ME2: variants seen among roughly 807,000 people sequenced by gnomAD.
ME2 encodes the protein malic enzyme 2.
A neutral mutation model predicts 73.7 loss-of-function variants in ME2; 60 were observed. The observed-to-expected ratio is 0.81, with a 90% CI of 0.66 to 1.01. The LOEUF is 1.01. Among genes scored for constraint, ME2 ranks in the 50% least tolerant of loss-of-function variants. ME2 has a pLI of 0.00. For synonymous variants in ME2, 199 were observed against 236.9 expected (o/e 0.84, Z 1.47); for missense variants, 594 against 705.5 (o/e 0.84, Z 1.79).
chr18:50,884,103 A>G (rs948947525), intron 1 of ME2, among the ~76,000 whole-genome samples: 1 of 152,084 alleles, frequency 6.6e-6, no homozygotes, highest in Non-Finnish European at 1.5e-5. Flanking sequence ...CAATTTCGGC[A>G]AAGATTGTTT....
At chr18:50,936,156 C>T (rs1184273746) in intron 13 of ME2, among the ~76,000 whole-genome samples, 1 of 152,040 alleles carries the variant, frequency 6.6e-6, no homozygotes, top group Non-Finnish European at 1.5e-5. Flanking sequence ...AAGAAGCGAC[C>T]GTTAGACTGA....
rs1568167401 is a variant in ME2 at position 50,916,227 on chromosome 18, C to T, written c.452C>T (p.Pro151Leu). 2.5e-6 allele frequency: 4 copies of T among 1,611,644 alleles called. No homozygotes were observed. Among genetic ancestry groups the T allele is most frequent in the Admixed American group, 1.7e-5 (1 of 59,792 alleles). ...GHVRSIVDNW[P>L]ENHVKAVVVT... ...GTTAGATCAATTGTGGATAACTGGC[C>T]AGAAAATCATGTTAAGGTACTAATA... Residue 151 changes from proline (P) to leucine (L), a missense_variant, in exon 5 of 16, where the codon CCA becomes CTA. Coordinates refer to ENST00000321341, the MANE Select transcript of ME2 (RefSeq NM_002396.5).
Position 50,916,224 on chromosome 18 carries a change from G to A in ME2, c.449G>A (p.Trp150Ter), listed in dbSNP as rs1013691299. ...RGHVRSIVDNWPENHVKAVVV... is the reference protein window; with the variant it reads ...RGHVRSIVDN The stretch of plus-strand genomic sequence containing the variant: ...CATGTTAGATCAATTGTGGATAACT[G>A]GCCAGAAAATCATGTTAAGGTACTA... Residue 150 changes from tryptophan to a stop codon, truncating the protein, a stop_gained, in exon 5 of 16, where the codon TGG becomes TAG. Transcript: ENST00000321341. LOFTEE classifies it high-confidence loss of function. The A allele has an allele frequency of 1.2e-6, 2 of 1,612,208 alleles. No homozygotes were observed. The highest frequency in any genetic ancestry group is 1.1e-5 in the South Asian group (1 of 90,842).
In ME2 at chr18:50,918,115, C is replaced by T. The variant is rs1036264575; in HGVS notation, c.636C>T (p.Leu212=). 3.8e-6 allele frequency: 6 copies of T among 1,587,282 alleles called. No homozygotes were observed. Among genetic ancestry groups the T allele is most frequent in the Non-Finnish European group, 5.2e-6 (6 of 1,163,868 alleles). ...CIDVGTDNIA[L]LKDPFYMGLY... is the part of the protein sequence containing the mutation. The stretch of plus-strand genomic sequence containing the variant: ...ACATTTGGTTTATTTTGTAGGCACT[C>T]TTAAAAGACCCATTTTACATGGGCT... The change falls in exon 7 of 16, where the codon CTC becomes CTT. Residue 212 remains leucine (L), a synonymous_variant. Coordinates refer to ENST00000321341, the MANE Select transcript of ME2 (RefSeq NM_002396.5).
At chr18:50,913,024 A>C (rs1405321580) in intron 4 of ME2, 74 bp downstream of exon 4, 2 of 1,304,656 alleles carry the variant, frequency 1.5e-6, no homozygotes, top group Non-Finnish European at 2.1e-6. Flanking sequence ...CACCCATTAC[A>C]TTTCTATTTT....
At position 50,947,307 on chromosome 18, in the gene ME2, T is replaced by G. The variant is rs944041389; in HGVS notation, c.*123T>G. 9.7e-7 allele frequency: 1 copy of G among 1,029,190 alleles called. No homozygotes were observed. The highest frequency in any genetic ancestry group is 1.4e-6 in the Non-Finnish European group (1 of 704,874). The allele number at this position is 1,029,190 out of a possible 1,614,324, so 63.8% of individuals were successfully genotyped here. A position where few individuals can be genotyped will look rare whatever the true frequency, so the allele number is the denominator to read the frequency against. ...TGTTCTCCCTGACCACTTTGGTTGA[T>G]GTATTTTTTCCATGCGTCTCCACAT... On this transcript the variant is annotated 3_prime_UTR_variant, in exon 16 of 16. Coordinates refer to ENST00000321341, the MANE Select transcript of ME2 (RefSeq NM_002396.5).
At chr18:50,889,135 C>T (rs1916548670) in intron 1 of ME2, among the ~76,000 whole-genome samples, 1 of 152,002 alleles carries the variant, frequency 6.6e-6, no homozygotes, top group Non-Finnish European at 1.5e-5. Context: ...TATTTTTATC[C>T]ATTAATTCCC....
chr18:50,885,691 T>C (rs933005036), intron 1 of ME2, among the ~76,000 whole-genome samples: 43 of 152,110 alleles, frequency 2.8e-4, no homozygotes, highest in African/African-American at 1.0e-3. Flanking sequence ...TTTTTAACAC[T>C]GTGCTGCTAT....
rs1457219893 is a variant in ME2, at chr18:50,920,661, G to T, written c.845G>T (p.Gly282Val). The stretch of plus-strand genomic sequence containing the variant: ...GTAAAAATCTTTGTTTTTCTTACAG[G>T]GACAGCTGCAGTAGCTCTAGCAGGT... ...KYCTFNDDIQ[G>V]TAAVALAGLL... is the part of the protein sequence containing the mutation. Residue 282 changes from glycine (G) to valine (V), a missense_variant and splice_region_variant, in exon 9 of 16, where the codon GGG becomes GTG. Physicochemically the swap from Gly to Val is moderately radical, Grantham distance 109. Transcript: ENST00000321341. The T allele has an allele frequency of 1.9e-6, 3 of 1,597,282 alleles. No homozygotes were observed. The highest frequency in any genetic ancestry group is 1.4e-5 in the African/African-American group (1 of 73,634).
intron 2 of ME2, among the ~76,000 whole-genome samples, chr18:50,898,233 T>C (rs891942254): frequency 6.6e-6 from 1 of 152,230 alleles, no homozygotes; most frequent in African/African-American, 2.4e-5. Flanking sequence ...GTAATCACTG[T>C]ATACTCAAGG....
chr18:50,939,445 T>A, intron 13 of ME2, 125 bp from the exon 14 acceptor site: 2 of 583,004 alleles, frequency 3.4e-6, no homozygotes, highest in Non-Finnish European at 6.2e-6. Flanking sequence ...TTCTTGGCTG[T>A]TTTCTGTTTG....
At chr18:50,903,091 G>C (rs1483197581) in intron 2 of ME2, among the ~76,000 whole-genome samples, 1 of 152,168 alleles carries the variant, frequency 6.6e-6, no homozygotes, top group Non-Finnish European at 1.5e-5. Context: ...GGAGGGAATT[G>C]CTGTTGCATA....
chr18:50,922,230 A>G (rs918092679), intron 10 of ME2, among the ~76,000 whole-genome samples: 4 of 152,272 alleles, frequency 2.6e-5, no homozygotes, highest in Non-Finnish European at 4.4e-5. Context: ...TAGTAGTTAT[A>G]TACCAGACAT....
At position 50,925,797 on chromosome 18, in the gene ME2, A is replaced by G. The variant is rs1353683640; in HGVS notation, c.1213A>G (p.Arg405Gly). 2 of 1,613,934 alleles carry G rather than the reference A, an allele frequency of 1.2e-6. No homozygotes were observed. The highest frequency in any genetic ancestry group is 2.2e-5 in the East Asian group (1 of 44,864). ...AGRLFTPDVI[R>G]AMASINERPV... is the part of the protein sequence containing the mutation. Reference sequence around the variant, plus strand: ...CCGTCTTTTCACTCCTGATGTAATCAGAGCCATGGCCTCTATCAATGAAAG... The same window carrying G: ...CCGTCTTTTCACTCCTGATGTAATCGGAGCCATGGCCTCTATCAATGAAAG... Residue 405 changes from arginine to glycine, a missense_variant, in exon 12 of 16, where the codon AGA becomes GGA. By Grantham distance (125) the Arg-to-Gly change is moderately radical. Transcript: ENST00000321341.
At chr18:50,919,120 C>T (rs1344840741) in intron 7 of ME2, among the ~76,000 whole-genome samples, 4 of 152,166 alleles carry the variant, frequency 2.6e-5, no homozygotes, top group African/African-American at 9.7e-5. Context: ...CTCCTGTTTT[C>T]CATTGCCGCA....
In ME2 at chr18:50,950,340, G is replaced by A. The variant is rs1208708743; in HGVS notation, c.*3156G>A. 6.6e-6 allele frequency: 1 copy of A among 152,118 alleles called. No homozygotes were observed. The highest frequency in any genetic ancestry group is 1.9e-4 in the East Asian group (1 of 5,186). 9.4% of individuals were successfully genotyped at this position (152,118 alleles called of 1,614,324 possible). The stretch of plus-strand genomic sequence containing the variant: ...CAGAGCCCTGGCTGGTGTCTCTTCA[G>A]GAGGACCCCTGACACACCGATTCTG... On this transcript the variant is annotated 3_prime_UTR_variant, in exon 16 of 16. Coordinates refer to ENST00000321341, the MANE Select transcript of ME2 (RefSeq NM_002396.5).
rs146107834 is a variant in ME2 at position 50,886,697 on chromosome 18, T to C, written c.-13+7389T>C. 8.6e-3 allele frequency among the ~76,000 whole-genome samples: 1,310 copies of C among 152,250 alleles called. 9 individuals are homozygous for C. Among genetic ancestry groups the C allele is most frequent in the Non-Finnish European group, 0.014 (974 of 68,014 alleles). On this transcript the variant is annotated intron_variant, in intron 1 of 15. Coordinates refer to ENST00000321341, the MANE Select transcript of ME2 (RefSeq NM_002396.5). ...AGATTCTGTTTAATGCTTTTGATGT[T>C]TACCTAGAGAAAACCAAATCTGGCT...
chr18:50,896,888 C>A (rs1916759121), intron 2 of ME2, among the ~76,000 whole-genome samples: 1 of 152,168 alleles, frequency 6.6e-6, no homozygotes, highest in South Asian at 2.1e-4. Flanking sequence ...AGAATGAGTT[C>A]AGCAAGCAGT....
intron 1 of ME2, among the ~76,000 whole-genome samples, chr18:50,894,949 G>A: frequency 6.7e-6 from 1 of 148,790 alleles, no homozygotes. Flanking sequence ...TATGATATAT[G>A]AGCTTCAAAA....
Sources: gnomAD v4.1 joint callset for allele counts (sites outside exome capture counted in the v4.1 genomes callset) on GRCh38, gnomAD v4.1.1 for gene constraint, MANE v1.5 for transcripts, NCBI Gene and HGNC (gene_info 2026-07-23, HGNC 2026-07-21) for gene names.